The following MCRIP2 variants were observed in gnomAD, a reference collection of about 807,000 sequenced individuals.
The protein encoded by MCRIP2 is MAPK regulated co-repressor interacting protein 2.
Under a neutral mutation model 23.2 loss-of-function variants are expected in MCRIP2, and 21 were observed. The ratio of observed to expected loss-of-function variants is 0.90; its 90% CI spans 0.64 to 1.30. The LOEUF (loss-of-function observed/expected upper bound fraction) is 1.30. MCRIP2 is among the 50% of genes most tolerant of loss of function. The probability of loss-of-function intolerance (pLI) is 0.00; values close to 1 mark genes in which losing one functional copy is unlikely to be tolerated. For missense variants in MCRIP2, 234 were observed against 223.2 expected (o/e 1.05, Z -0.31); for synonymous variants, 121 against 100.2 (o/e 1.21, Z -1.24).
At chr16:643,969 G>A (rs894960520) in intron 2 of MCRIP2, among the ~76,000 whole-genome samples, 2 of 152,156 alleles carry the variant, frequency 1.3e-5, no homozygotes, top group Admixed American at 1.3e-4. Context: ...TCCTCCCTGG[G>A]GTCACCCACC....
Position 648,175 on chromosome 16 carries a change from C to T in MCRIP2, c.468C>T (p.Ile156=), listed in dbSNP as rs2037553800. The T allele has an allele frequency of 3.1e-6, 5 of 1,610,776 alleles. No homozygotes were observed. The African/African-American group carries it at 6.7e-5, about 21-fold the overall frequency. ...GGGCGCAGCAGTTCCTGGCGAGAATCACCAGCTGTTCCTAGTGGCTGCTGG... is the reference window on the plus strand; with the variant it reads ...GGGCGCAGCAGTTCCTGGCGAGAATTACCAGCTGTTCCTAGTGGCTGCTGG... The part of the protein sequence containing the change: ...EWWAQQFLAR[I]TSCS Residue 156 remains isoleucine (I), a synonymous_variant, in exon 5 of 5, where the codon ATC becomes ATT. Coordinates refer to ENST00000307650, the MANE Select transcript of MCRIP2 (RefSeq NM_138418.4).
chr16:646,035 G>A lies in MCRIP2; in HGVS notation c.183-1382G>A, dbSNP rs891731897. 11 of 152,244 alleles carry A rather than the reference G, an allele frequency of 7.2e-5. No homozygotes were observed. The highest frequency in any genetic ancestry group is 2.7e-4 in the African/African-American group (11 of 41,444). 9.4% of individuals were successfully genotyped at this position (152,244 alleles called of 1,614,324 possible). A position where few individuals can be genotyped will look rare whatever the true frequency, so the allele number is the denominator to read the frequency against. ...GTGTCCCTGGAAGTGGGAGAGGTTGGCGGTGATCCATAGGTGCTCGCCGGG... is the reference window on the plus strand; with the variant it reads ...GTGTCCCTGGAAGTGGGAGAGGTTGACGGTGATCCATAGGTGCTCGCCGGG... On this transcript the variant is annotated intron_variant, in intron 2 of 4. Transcript: ENST00000307650. The surrounding 1 kb of genome is among the most constrained non-coding windows in gnomAD (Gnocchi z 6.5).
intron 2 of MCRIP2, chr16:647,086 A>G (rs1441219622): frequency 3.0e-6 from 1 of 333,426 alleles, no homozygotes; most frequent in African/African-American, 2.1e-5. Flanking sequence ...AGGTGGCAGC[A>G]TGGGCACCTG....
chr16:641,897 C>A lies in MCRIP2; in HGVS notation c.-95C>A. ...GGCCGGGGGCGTGTAGCGGGCCCGC[C>A]CCCTCCCCGCGGCGCCCGCAGTCCG... On this transcript the variant is annotated 5_prime_UTR_variant, in exon 1 of 5. Coordinates refer to ENST00000307650, the MANE Select transcript of MCRIP2 (RefSeq NM_138418.4). 1.8e-6 allele frequency: 2 copies of A among 1,141,430 alleles called. No individual in the cohort carries two copies. The highest frequency in any genetic ancestry group is 1.1e-6 in the Non-Finnish European group (1 of 901,790). 70.7% of individuals were successfully genotyped at this position (1,141,430 alleles called of 1,614,324 possible).
Position 646,950 on chromosome 16 carries a change from G to C in MCRIP2, c.183-467G>C. The C allele has an allele frequency of 3.1e-5, 5 of 159,508 alleles. No individual in the cohort carries two copies. Among genetic ancestry groups the C allele is most frequent in the Admixed American group, 6.2e-5 (1 of 16,154 alleles). 9.9% of individuals were successfully genotyped at this position (159,508 alleles called of 1,614,324 possible). On this transcript the variant is annotated intron_variant, in intron 2 of 4. Transcript: ENST00000307650. This position sits in a 1 kb window ranked among gnomAD's most constrained non-coding sequence, Gnocchi z 6.5. ...CCATGGAGGGAAACATCGTGGAGAT[G>C]GAGGTGCTTCTGTGGGGCGAGAATG...
Position 647,780 on chromosome 16 carries a change from C to T in MCRIP2, c.311-3C>T, listed in dbSNP as rs201848182. ...GCTCAGCCCGACTGCCCTCCTCCCA[C>T]AGCCTGGCAGCAGGTGCAACAGCAG... On this transcript the variant is annotated splice_polypyrimidine_tract_variant and splice_region_variant and intron_variant, in intron 3 of 4. Transcript: ENST00000307650. The T allele has an allele frequency of 5.8e-5, 91 of 1,560,038 alleles. 1 individual carries two copies. In the Admixed American group the frequency reaches 1.3e-3, roughly 22 times the overall value.
Position 647,130 on chromosome 16 carries a change from C to T in MCRIP2, c.183-287C>T, listed in dbSNP as rs191016754. 3.7e-3 allele frequency: 1,710 copies of T among 456,878 alleles called. 4 individuals carry two copies. Among genetic ancestry groups the T allele is most frequent in the Non-Finnish European group, 4.5e-3 (1,143 of 252,928 alleles). 28.3% of individuals were successfully genotyped at this position (456,878 alleles called of 1,614,324 possible). A position where few individuals can be genotyped will look rare whatever the true frequency, so the allele number is the denominator to read the frequency against. ...TCGGGGAGGGGTACTGAGTGGGGCC[C>T]GACCAAAGGTTTGGGACACTCTAAG... On this transcript the variant is annotated intron_variant, in intron 2 of 4. Transcript: ENST00000307650.
rs1596447399 is a variant in MCRIP2, at chr16:641,963, G to A, written c.-29G>A. On this transcript the variant is annotated 5_prime_UTR_variant, in exon 1 of 5. Transcript: ENST00000307650. Reference sequence around the variant, plus strand: ...GGCGCAGGGGCCGGATCTGGCCGGGGGCCGGCGGCGGTGTGGGAGCGGCGC... The same window carrying A: ...GGCGCAGGGGCCGGATCTGGCCGGGAGCCGGCGGCGGTGTGGGAGCGGCGC... The A allele has an allele frequency of 1.5e-6, 2 of 1,306,132 alleles. No homozygotes were observed. The highest frequency in any genetic ancestry group is 2.1e-5 in the South Asian group (1 of 46,898). 80.9% of individuals were successfully genotyped at this position (1,306,132 alleles called of 1,614,324 possible).
chr16:644,008 G>A (rs1234815382), intron 2 of MCRIP2, among the ~76,000 whole-genome samples: 6 of 152,204 alleles, frequency 3.9e-5, no homozygotes, highest in Non-Finnish European at 8.8e-5. Flanking sequence ...AGCGCTGGGA[G>A]CTTCTGGCAG....
chr16:643,248 G>T (rs917613045), intron 2 of MCRIP2: 1 of 152,222 alleles, frequency 6.6e-6, no homozygotes, highest in African/African-American at 2.4e-5. Flanking sequence ...CATCACCCTT[G>T]GTCCTCGTGG....
Position 647,769 on chromosome 16 carries a change from C to A in MCRIP2, c.311-14C>A. 1 of 1,554,080 alleles carries A rather than the reference C, an allele frequency of 6.4e-7. No homozygotes were observed. The highest frequency in any genetic ancestry group is 2.4e-5 in the East Asian group (1 of 41,524). On this transcript the variant is annotated splice_polypyrimidine_tract_variant and intron_variant, in intron 3 of 4. Coordinates refer to ENST00000307650, the MANE Select transcript of MCRIP2 (RefSeq NM_138418.4). ...CCTGGGACCTGGCTCAGCCCGACTG[C>A]CCTCCTCCCACAGCCTGGCAGCAGG...
chr16:645,824 C>T (rs2151101946), intron 2 of MCRIP2: 1 of 152,358 alleles, frequency 6.6e-6, no homozygotes, highest in East Asian at 1.9e-4. Flanking sequence ...TGGGTCAGGG[C>T]CATGGACTCT....
intron 2 of MCRIP2, chr16:647,033 TG>T: frequency 4.0e-6 from 1 of 252,406 alleles, no homozygotes; most frequent in Non-Finnish European, 7.7e-6. Flanking sequence ...GGTCATGGAC[TG>T]GGTCGTGGCT....
chr16:642,075 C>A, intron 1 of MCRIP2, 32 bp downstream of exon 1: 1 of 1,316,048 alleles, frequency 7.6e-7, no homozygotes, highest in South Asian at 2.1e-5. Context: ...GGAACGGGGA[C>A]GGGGCGGGGC....
In MCRIP2 at chr16:648,132, T is replaced by C. The variant is rs2037552018; in HGVS notation, c.425T>C (p.Ile142Thr). 2 of 1,607,888 alleles carry C rather than the reference T, an allele frequency of 1.2e-6. No individual in the cohort carries two copies. Among genetic ancestry groups the C allele is most frequent in the Non-Finnish European group, 1.7e-6 (2 of 1,176,866 alleles). Reference protein sequence around the residue: ...PNPRLQNFVPIDLDEWWAQQF... With the variant: ...PNPRLQNFVPTDLDEWWAQQF... Reference sequence around the variant, plus strand: ...TCTCTGCCCACAGACTTTGTGCCCATTGACCTAGACGAGTGGTGGGCGCAG... The same window carrying C: ...TCTCTGCCCACAGACTTTGTGCCCACTGACCTAGACGAGTGGTGGGCGCAG... The change falls in exon 5 of 5, where the codon ATT becomes ACT. Residue 142 changes from isoleucine to threonine, a missense_variant. By Grantham distance (89) the Ile-to-Thr change is moderately conservative. Transcript: ENST00000307650.
At chr16:645,892 AG>A (rs1299112673) in intron 2 of MCRIP2, 1 of 152,300 alleles carries the variant, frequency 6.6e-6, no homozygotes, top group Non-Finnish European at 1.5e-5. Flanking sequence ...TAATATGCTC[AG>A]GTGGATTCTC....
chr16:646,798 G>A lies in MCRIP2; in HGVS notation c.183-619G>A, dbSNP rs930391599. 2 of 152,848 alleles carry A rather than the reference G, an allele frequency of 1.3e-5. No individual in the cohort carries two copies. The highest frequency in any genetic ancestry group is 4.8e-5 in the African/African-American group (2 of 41,468). The allele number at this position is 152,848 out of a possible 1,614,324, so 9.5% of individuals were successfully genotyped here. Reference sequence around the variant, plus strand: ...CCCTTGTCTCGGGCCGGTGGGGAGTGGGCGAGGGTTATAGTCACTCTCCCG... The same window carrying A: ...CCCTTGTCTCGGGCCGGTGGGGAGTAGGCGAGGGTTATAGTCACTCTCCCG... On this transcript the variant is annotated intron_variant, in intron 2 of 4. Coordinates refer to ENST00000307650, the MANE Select transcript of MCRIP2 (RefSeq NM_138418.4). The surrounding 1 kb of genome is among the most constrained non-coding windows in gnomAD (Gnocchi z 6.5).
intron 3 of MCRIP2, 42 bp downstream of exon 3, chr16:647,586 C>T (rs373837190): frequency 1.3e-5 from 21 of 1,605,376 alleles, no homozygotes; most frequent in Admixed American, 1.0e-4. Context: ...GCTGCTGGGT[C>T]GCAAAACCAT....
intron 2 of MCRIP2, chr16:647,165 C>T (rs2037503867): frequency 3.5e-6 from 2 of 573,050 alleles, no homozygotes; most frequent in East Asian, 2.9e-5. Flanking sequence ...GACTGAGGCC[C>T]CCACCCTACA....
Sources: allele counts gnomAD v4.1 joint callset (sites outside exome capture counted in the v4.1 genomes callset), GRCh38; gene constraint gnomAD v4.1.1; non-coding constraint Gnocchi (gnomAD v3.1); transcripts MANE v1.5; gene names NCBI Gene and HGNC (gene_info 2026-07-23, HGNC 2026-07-21).